Variants in FGF18 observed in about 807,000 individuals in gnomAD.
FGF18 encodes fibroblast growth factor 18.
A neutral mutation model predicts 23.0 loss-of-function variants in FGF18; 5 were observed. The observed-to-expected ratio is 0.22, with a 90% CI of 0.11 to 0.46. FGF18 has a LOEUF of 0.46. FGF18 is among the 20% of genes least tolerant of loss of function. The pLI, the probability that FGF18 is intolerant of heterozygous loss-of-function variation, is 0.99. For missense variants in FGF18, 180 were observed against 291.6 expected, an observed-to-expected ratio of 0.62 and a Z score of 2.79; for synonymous variants, 117 against 118.9, an observed-to-expected ratio of 0.98 and a Z score of 0.10.
chr5:171,433,933 T>C (rs1384864945), intron 2 of FGF18, among the ~76,000 whole-genome samples: 1 of 152,238 alleles, frequency 6.6e-6, no homozygotes, highest in Non-Finnish European at 1.5e-5. Flanking sequence ...GAGCACTTAA[T>C]ATATTGCTTT....
intron 3 of FGF18, among the ~76,000 whole-genome samples, chr5:171,444,956 G>A (rs185631172): frequency 1.7e-3 from 254 of 152,272 alleles, no homozygotes; most frequent in Non-Finnish European, 1.4e-3. Flanking sequence ...GGTGGAGACC[G>A]ACAATAAAAA....
In FGF18 at chr5:171,456,864, C is replaced by A. The variant is rs972762486; in HGVS notation, c.*59C>A. ...CCACACTCACACTCCCAGAAAACTG[C>A]ATCAGAGGAATATTTTTACATGAAA... On this transcript the variant is annotated 3_prime_UTR_variant, in exon 5 of 5. Transcript: ENST00000274625. The surrounding 1 kb of genome is among the most constrained non-coding windows in gnomAD (Gnocchi z 6.1). 3.3e-6 allele frequency: 5 copies of A among 1,524,828 alleles called. No homozygotes were observed. Among genetic ancestry groups the A allele is most frequent in the African/African-American group, 2.8e-5 (2 of 71,656 alleles). 94.5% of individuals were successfully genotyped at this position (1,524,828 alleles called of 1,614,324 possible).
intron 3 of FGF18, among the ~76,000 whole-genome samples, chr5:171,447,001 T>A (rs1772428330): frequency 6.6e-6 from 1 of 152,154 alleles, no homozygotes; most frequent in Non-Finnish European, 1.5e-5. Flanking sequence ...TTCGTTTTTC[T>A]TTTCTTTTGG....
At chr5:171,426,632 C>A (rs973704860) in intron 2 of FGF18, among the ~76,000 whole-genome samples, 3 of 152,236 alleles carry the variant, frequency 2.0e-5, no homozygotes, top group Admixed American at 2.0e-4. Flanking sequence ...GGGCCAAAGA[C>A]AAGCCCCCTG....
intron 1 of FGF18, 23 bp from the exon 2 acceptor site, chr5:171,420,384 G>A (rs749523048): frequency 2.5e-6 from 4 of 1,613,140 alleles, no homozygotes; most frequent in African/African-American, 2.7e-5. Context: ...CCCACTGACC[G>A]CTTCTCCATC....
chr5:171,449,915 C>A (rs1389103741), intron 4 of FGF18, among the ~76,000 whole-genome samples: 2 of 152,124 alleles, frequency 1.3e-5, no homozygotes, highest in African/African-American at 4.8e-5. Flanking sequence ...CTTCTCAGCA[C>A]CCCTGTTCGT....
chr5:171,435,452 G>T (rs988807175), intron 2 of FGF18, among the ~76,000 whole-genome samples: 1 of 152,218 alleles, frequency 6.6e-6, no homozygotes. Context: ...TGAAGTTTTG[G>T]TGGCAGATGC....
chr5:171,437,312 T>C (rs1012611844), intron 3 of FGF18, among the ~76,000 whole-genome samples: 9 of 152,172 alleles, frequency 5.9e-5, no homozygotes, highest in Non-Finnish European at 1.3e-4. Flanking sequence ...CCATTTATTT[T>C]CCCTCAGCCC....
Position 171,436,285 on chromosome 5 carries a change from C to T in FGF18, c.250+12C>T. On this transcript the variant is annotated intron_variant, in intron 3 of 4. Transcript: ENST00000274625. This position sits in a 1 kb window ranked among gnomAD's most constrained non-coding sequence, Gnocchi z 4.4. ...TGGGGACAAGTATGGTATGTGCCAA[C>T]CCTCTCCTCCTACTCCGTGTACCCG... 1 of 1,538,286 alleles carries T rather than the reference C, an allele frequency of 6.5e-7. No individual in the cohort carries two copies. The highest frequency in any genetic ancestry group is 2.4e-5 in the East Asian group (1 of 41,126).
chr5:171,432,104 C>T (rs1346963244), intron 2 of FGF18, among the ~76,000 whole-genome samples: 5 of 152,218 alleles, frequency 3.3e-5, no homozygotes, highest in African/African-American at 9.6e-5. Flanking sequence ...AGCTTTTCAA[C>T]ACCCCTGATC....
Position 171,433,052 on chromosome 5 carries a change from C to T in FGF18, c.70-3041C>T, listed in dbSNP as rs549230425. 5.9e-5 allele frequency among the ~76,000 whole-genome samples: 9 copies of T among 152,298 alleles called. No individual in the cohort carries two copies. In the South Asian group the frequency reaches 8.3e-4, roughly 14 times the overall value. On this transcript the variant is annotated intron_variant, in intron 2 of 4. Coordinates refer to ENST00000274625, the MANE Select transcript of FGF18 (RefSeq NM_003862.3). ...CTCCAGAGGTCTTGCCTGGGAAGCC[C>T]GGGGTGCTTCCTGCCTTTCCAGGAG...
chr5:171,443,501 A>ATTTTTTTTTTTTTTTTTTTTT (rs59576538), intron 3 of FGF18, among the ~76,000 whole-genome samples: 3 of 63,742 alleles, frequency 4.7e-5, no homozygotes, highest in South Asian at 7.3e-4. Flanking sequence ...TGTTATCATC[A>ATTTTTTTTTTTTTTTTTTTTT]TTTTTTTTTT....
chr5:171,422,785 C>T (rs748051684), intron 2 of FGF18, among the ~76,000 whole-genome samples: 2 of 152,322 alleles, frequency 1.3e-5, no homozygotes, highest in African/African-American at 2.4e-5. Flanking sequence ...CCAGGGAGGC[C>T]TCTCTACATG....
chr5:171,430,427 T>G (rs1359713526), intron 2 of FGF18, among the ~76,000 whole-genome samples: 1 of 150,466 alleles, frequency 6.6e-6, no homozygotes, highest in East Asian at 2.0e-4. Flanking sequence ...AAGACATCCC[T>G]CAAGAGATTC....
chr5:171,453,511 C>A (rs549076359), intron 4 of FGF18, among the ~76,000 whole-genome samples: 14 of 152,284 alleles, frequency 9.2e-5, no homozygotes, highest in African/African-American at 3.1e-4. Context: ...CCTCACCTTT[C>A]CCCCTTGTGG....
At chr5:171,431,648 G>C (rs1431262705) in intron 2 of FGF18, among the ~76,000 whole-genome samples, 1 of 152,206 alleles carries the variant, frequency 6.6e-6, no homozygotes, top group Non-Finnish European at 1.5e-5. Flanking sequence ...TGTGAGAAAA[G>C]CTGCTTCCAC....
In FGF18 at chr5:171,436,497, T is replaced by C. The variant is rs189042623; in HGVS notation, c.250+224T>C. Among the ~76,000 whole-genome samples, 154 of 152,290 alleles carry C rather than the reference T, an allele frequency of 1.0e-3. 2 individuals are homozygous for C. The highest frequency in any genetic ancestry group is 5.4e-4 in the Non-Finnish European group (37 of 68,020). On this transcript the variant is annotated intron_variant, in intron 3 of 4. Transcript: ENST00000274625. This position sits in a 1 kb window ranked among gnomAD's most constrained non-coding sequence, Gnocchi z 4.4. ...CTAACTGAAGATGTGAATGAAAAGT[T>C]CTTTGGCCGGTAAATGCCCCATAAG...
chr5:171,440,468 T>C lies in FGF18; in HGVS notation c.250+4195T>C, dbSNP rs984820359. 6.6e-6 allele frequency among the ~76,000 whole-genome samples: 1 copy of C among 152,088 alleles called. No individual in the cohort carries two copies. Among genetic ancestry groups the C allele is most frequent in the Non-Finnish European group, 1.5e-5 (1 of 68,002 alleles). Reference sequence around the variant, plus strand: ...GCGTGTGTCTCCCCTCAGTCCCTTATTCATTCAACGTAAATTACCAAGCCC... The same window carrying C: ...GCGTGTGTCTCCCCTCAGTCCCTTACTCATTCAACGTAAATTACCAAGCCC... On this transcript the variant is annotated intron_variant, in intron 3 of 4. Coordinates refer to ENST00000274625, the MANE Select transcript of FGF18 (RefSeq NM_003862.3). This position sits in a 1 kb window ranked among gnomAD's most constrained non-coding sequence, Gnocchi z 4.0.
chr5:171,423,898 G>A lies in FGF18; in HGVS notation c.69+3455G>A, dbSNP rs1581269143. Among the ~76,000 whole-genome samples, 3 of 151,134 alleles carry A rather than the reference G, an allele frequency of 2.0e-5. No homozygotes were observed. The Admixed American group carries it at 2.0e-4, about 10-fold the overall frequency. ...ACTCTCCTCAGCCTCCCAAGTAGCTGGGATTACAGGTACACACCACCATGC... is the reference window on the plus strand; with the variant it reads ...ACTCTCCTCAGCCTCCCAAGTAGCTAGGATTACAGGTACACACCACCATGC... On this transcript the variant is annotated intron_variant, in intron 2 of 4. Transcript: ENST00000274625.
Sources: allele counts gnomAD v4.1 joint callset (sites outside exome capture counted in the v4.1 genomes callset), GRCh38; gene constraint gnomAD v4.1.1; non-coding constraint Gnocchi (gnomAD v3.1); transcripts MANE v1.5; gene names NCBI Gene and HGNC (gene_info 2026-07-23, HGNC 2026-07-21).